LAD1: variants seen among roughly 807,000 people sequenced by gnomAD.
LAD1 encodes the protein ladinin 1.
In LAD1, 53 loss-of-function variants were observed where a neutral mutation model predicts 54.2. The observed-to-expected ratio is 0.98, with a 90% CI of 0.78 to 1.23. The LOEUF is 1.23. Ranked by LOEUF, LAD1 falls within the 50% of genes most tolerant of loss-of-function variation. The pLI is 0.00. For missense variants in LAD1, 637 were observed against 653.3 expected (o/e 0.98, Z 0.27); for synonymous variants, 231 against 257.7 (o/e 0.90, Z 0.99).
rs781782362 is a variant in LAD1 at position 201,388,808 on chromosome 1, C to T, written c.182+352G>A. 5.7e-4 allele frequency among the ~76,000 whole-genome samples: 87 copies of T among 152,260 alleles called. 1 individual carries two copies. Among genetic ancestry groups the T allele is most frequent in the Non-Finnish European group, 1.1e-3 (73 of 68,028 alleles). ...TTCTGGCCCTGCCACTCTTGAGGTA[C>T]GTGACCTCAGCAAGTCACCTAAGTA... On this transcript the variant is annotated intron_variant, in intron 2 of 9. Transcript: ENST00000391967.
At chr1:201,385,603 C>A (rs910827859) in intron 4 of LAD1, 98 bp downstream of exon 4, 2 of 883,488 alleles carry the variant, frequency 2.3e-6, no homozygotes, top group Non-Finnish European at 3.9e-6. Flanking sequence ...ATCCAGGGGA[C>A]CTTCCTACCT....
chr1:201,396,820 A>G (rs1463580004), intron 1 of LAD1, among the ~76,000 whole-genome samples: 2 of 152,114 alleles, frequency 1.3e-5, no homozygotes, highest in Non-Finnish European at 2.9e-5. Flanking sequence ...TCCAGCCCCA[A>G]AGGTCTAGGG....
chr1:201,383,091 G>A lies in LAD1; in HGVS notation c.1369C>T (p.Pro457Ser), dbSNP rs1265629590. 3 of 1,613,688 alleles carry A rather than the reference G, an allele frequency of 1.9e-6. No homozygotes were observed. The highest frequency in any genetic ancestry group is 1.1e-5 in the South Asian group (1 of 91,074). ...KELAGQSRAEPASSRKENLRL... is the reference protein window; with the variant it reads ...KELAGQSRAESASSRKENLRL... ...CCCCTCACCTTCCGGCTGGAGGCTG[G>A]TTCTGCTCGGCTCTGGCCCGCCAGT... Residue 457 changes from proline (P) to serine (S), a missense_variant, in exon 7 of 10, where the codon CCA (proline) becomes TCA (serine). By Grantham distance (74) the Pro-to-Ser change is moderately conservative. Transcript: ENST00000391967.
At chr1:201,393,287 C>A (rs532100426) in intron 1 of LAD1, among the ~76,000 whole-genome samples, 22 of 151,954 alleles carry the variant, frequency 1.4e-4, no homozygotes, top group African/African-American at 5.1e-4. Flanking sequence ...GATGCTGCTG[C>A]GAGGGGAATG....
intron 1 of LAD1, among the ~76,000 whole-genome samples, chr1:201,393,159 G>A (rs1170642190): frequency 6.6e-6 from 1 of 152,178 alleles, no homozygotes; most frequent in Non-Finnish European, 1.5e-5. Context: ...TGTGCTTCTG[G>A]CTTGTTCCAA....
chr1:201,396,244 G>T (rs1424829432), intron 1 of LAD1, among the ~76,000 whole-genome samples: 1 of 151,860 alleles, frequency 6.6e-6, no homozygotes, highest in African/African-American at 2.4e-5. Flanking sequence ...CCACCTCCTG[G>T]CCTTCATCTG....
rs1199248052 is a variant in LAD1 at position 201,381,272 on chromosome 1, G to T, written c.*616C>A. On this transcript the variant is annotated 3_prime_UTR_variant, in exon 10 of 10. Coordinates refer to ENST00000391967, the MANE Select transcript of LAD1 (RefSeq NM_005558.4). ...CTGAGAACAGGTTTTTCAGAGAAAG[G>T]GTAAGTGGTTGCACACAAAAAGGCA... is the stretch of plus-strand genomic sequence containing the variant. The T allele has an allele frequency of 6.2e-6, 1 of 160,696 alleles. No homozygotes were observed. Among genetic ancestry groups the T allele is most frequent in the Non-Finnish European group, 1.4e-5 (1 of 72,028 alleles). The allele number at this position is 160,696 out of a possible 1,614,324, so 10.0% of individuals were successfully genotyped here.
rs1661965809 is a variant in LAD1 at position 201,381,786 on chromosome 1, C to T, written c.*102G>A. 2 of 1,304,374 alleles carry T rather than the reference C, an allele frequency of 1.5e-6. No individual in the cohort carries two copies. Among genetic ancestry groups the T allele is most frequent in the African/African-American group, 1.5e-5 (1 of 68,752 alleles). 80.8% of individuals were successfully genotyped at this position (1,304,374 alleles called of 1,614,324 possible). A position where few individuals can be genotyped will look rare whatever the true frequency, so the allele number is the denominator to read the frequency against. ...AACAGATCCACAGGCAAAAAGGGAA[C>T]AGGGACAATGAGAGGAAAGGGTGCT... On this transcript the variant is annotated 3_prime_UTR_variant, in exon 10 of 10. Transcript: ENST00000391967.
chr1:201,399,314 G>A lies in LAD1; in HGVS notation c.-8C>T. 1.3e-6 allele frequency: 2 copies of A among 1,536,684 alleles called. No homozygotes were observed. The highest frequency in any genetic ancestry group is 1.7e-6 in the Non-Finnish European group (2 of 1,145,502). Reference sequence around the variant, plus strand: ...CTTCCTGCTGACAGCCATGCTGCAGGAGCCCCGCGTGGCCGCCCGCGCCCC... The same window carrying A: ...CTTCCTGCTGACAGCCATGCTGCAGAAGCCCCGCGTGGCCGCCCGCGCCCC... On this transcript the variant is annotated 5_prime_UTR_variant, in exon 1 of 10. Transcript: ENST00000391967.
rs552773617 is a variant in LAD1 at position 201,385,703 on chromosome 1, G to A, written c.1129C>T (p.Arg377Trp). The A allele has an allele frequency of 1.4e-5, 23 of 1,612,640 alleles. No individual in the cohort carries two copies. Among genetic ancestry groups the A allele is most frequent in the East Asian group, 6.7e-5 (3 of 44,872 alleles). ...KRSSPRTISF[R>W]MKPKKENSET... ...ACCAGGGTGCCCAGGGCTCTCACCCGAAAGGAGATGGTCCTGGGGCTGGAG... is the reference window on the plus strand; with the variant it reads ...ACCAGGGTGCCCAGGGCTCTCACCCAAAAGGAGATGGTCCTGGGGCTGGAG... Residue 377 changes from arginine (R) to tryptophan (W), a missense_variant and splice_region_variant, in exon 4 of 10, where the codon CGG becomes TGG. Arg to Trp is a moderately radical substitution (Grantham distance 101). Coordinates refer to ENST00000391967, the MANE Select transcript of LAD1 (RefSeq NM_005558.4).
rs950238085 is a variant in LAD1, at chr1:201,386,590, A to G, written c.771T>C (p.Ser257=). The change falls in exon 3 of 10, where the codon TCT becomes TCC. Residue 257 remains serine (S), a synonymous_variant. Transcript: ENST00000391967. ...CCTTCTCAAAGATGGAAGCTTTCTC[A>G]GACACCAGCCTCCTTCCTGAGCCCA... ...MALGSGRRLV[S]EKASIFEKAL... 1 of 1,613,998 alleles carries G rather than the reference A, an allele frequency of 6.2e-7. No individual in the cohort carries two copies. The highest frequency in any genetic ancestry group is 8.5e-7 in the Non-Finnish European group (1 of 1,180,022).
chr1:201,393,673 G>A (rs192206703), intron 1 of LAD1, among the ~76,000 whole-genome samples: 209 of 151,630 alleles, frequency 1.4e-3, no homozygotes, highest in African/African-American at 4.8e-3. Flanking sequence ...TAGAATCCAG[G>A]AGGTAGAGGT....
intron 1 of LAD1, among the ~76,000 whole-genome samples, chr1:201,392,452 T>C (rs1468333571): frequency 6.6e-6 from 1 of 152,004 alleles, no homozygotes; most frequent in Non-Finnish European, 1.5e-5. Context: ...GTAAGTGACA[T>C]GAGAGAAGGT....
At position 201,381,569 on chromosome 1, in the gene LAD1, G is replaced by A; in HGVS notation, c.*319C>T. On this transcript the variant is annotated 3_prime_UTR_variant, in exon 10 of 10. Transcript: ENST00000391967. ...CCCTGACTGTGGATGTGAGCAGGAAGGAGCAGAGGTCTCTGGGCAGGACAT... is the reference window on the plus strand; with the variant it reads ...CCCTGACTGTGGATGTGAGCAGGAAAGAGCAGAGGTCTCTGGGCAGGACAT... 3 of 448,742 alleles carry A rather than the reference G, an allele frequency of 6.7e-6. No homozygotes were observed. Among genetic ancestry groups the A allele is most frequent in the Non-Finnish European group, 8.2e-6 (2 of 244,446 alleles). 27.8% of individuals were successfully genotyped at this position (448,742 alleles called of 1,614,324 possible).
intron 5 of LAD1, chr1:201,383,625 T>C (rs532927147): frequency 1.1e-5 from 6 of 550,434 alleles, no homozygotes; most frequent in East Asian, 9.6e-5. Context: ...TTCTCCCCCA[T>C]ACCTTGTCAT....
chr1:201,389,527 C>T (rs191977272), intron 1 of LAD1, among the ~76,000 whole-genome samples: 1 of 152,288 alleles, frequency 6.6e-6, no homozygotes, highest in Admixed American at 6.5e-5. Context: ...GAACTATGTA[C>T]ATCGGCCAGG....
At chr1:201,385,519 A>G (rs1411441495) in intron 4 of LAD1, among the ~76,000 whole-genome samples, 182 bp downstream of exon 4, 2 of 152,190 alleles carry the variant, frequency 1.3e-5, no homozygotes, top group Non-Finnish European at 2.9e-5. Flanking sequence ...CCCCCAGGTT[A>G]CTAACCTGTT....
intron 8 of LAD1, 29 bp from the exon 9 acceptor site, chr1:201,382,355 G>C: frequency 6.4e-7 from 1 of 1,567,820 alleles, no homozygotes; most frequent in Non-Finnish European, 8.8e-7. Context: ...GTGGAGACCA[G>C]AGACTAAGAC....
Position 201,396,096 on chromosome 1 carries a change from G to A in LAD1, c.38+3173C>T, listed in dbSNP as rs898136057. ...GAAACCCCGTGGCCCATGCAACATT[G>A]ACCTTCAAGCCCCAGAGCCAGGCCC... On this transcript the variant is annotated intron_variant, in intron 1 of 9. Coordinates refer to ENST00000391967, the MANE Select transcript of LAD1 (RefSeq NM_005558.4). Among the ~76,000 whole-genome samples the A allele has an allele frequency of 1.3e-5, 2 of 152,204 alleles. 1 individual carries two copies. The highest frequency in any genetic ancestry group is 6.3e-3 in the Middle Eastern group (2 of 316).
Sources: gnomAD v4.1 joint callset for allele counts (sites outside exome capture counted in the v4.1 genomes callset) on GRCh38, gnomAD v4.1.1 for gene constraint, MANE v1.5 for transcripts, NCBI Gene and HGNC (gene_info 2026-07-23, HGNC 2026-07-21) for gene names.